ABLIM2: variants seen among roughly 807,000 people sequenced by gnomAD.
ABLIM2 encodes the protein actin binding LIM protein family member 2.
ABLIM2 carries 53 observed loss-of-function variants against 97.7 expected under a neutral mutation model. The ratio of observed to expected loss-of-function variants is 0.54; its 90% CI spans 0.44 to 0.68. The LOEUF (loss-of-function observed/expected upper bound fraction) is 0.68, where lower values mean the gene tolerates loss of function less well. Among genes scored for constraint, ABLIM2 ranks in the 30% least tolerant of loss-of-function variants. The pLI is 0.00. For missense variants in ABLIM2, 835 were observed against 867.2 expected (o/e 0.96, Z 0.47); for synonymous variants, 361 against 345.8 (o/e 1.04, Z -0.49).
rs1047900565 is a variant in ABLIM2 at position 8,112,204 on chromosome 4, G to T, written c.11-5567C>A. Reference sequence around the variant, plus strand: ...CACACAACCTTCACAACAAAGGGACGTGGCTCTCTCAGGAAATCCCCCTGC... The same window carrying T: ...CACACAACCTTCACAACAAAGGGACTTGGCTCTCTCAGGAAATCCCCCTGC... On this transcript the variant is annotated intron_variant, in intron 1 of 20. Transcript: ENST00000447017. The surrounding 1 kb of genome is among the most constrained non-coding windows in gnomAD (Gnocchi z 4.2). Among the ~76,000 whole-genome samples the T allele has an allele frequency of 6.6e-6, 1 of 152,170 alleles. No individual in the cohort carries two copies. Among genetic ancestry groups the T allele is most frequent in the Admixed American group, 6.5e-5 (1 of 15,272 alleles).
In ABLIM2 at chr4:8,130,948, G is replaced by A. The variant is rs1167060383; in HGVS notation, c.11-24311C>T. ...GGCTGAGCTCCCCCAAAGGCTCTAG[G>A]GGAGGCTGCCGTTACCTCGCCCTGC... On this transcript the variant is annotated intron_variant, in intron 1 of 20. Transcript: ENST00000447017. This position sits in a 1 kb window ranked among gnomAD's most constrained non-coding sequence, Gnocchi z 4.2. 2.6e-5 allele frequency among the ~76,000 whole-genome samples: 4 copies of A among 152,132 alleles called. No homozygotes were observed. The highest frequency in any genetic ancestry group is 5.9e-5 in the Non-Finnish European group (4 of 68,010).
At chr4:7,982,124 A>C (rs1739059793) in intron 20 of ABLIM2, among the ~76,000 whole-genome samples, 1 of 133,660 alleles carries the variant, frequency 7.5e-6, no homozygotes, top group African/African-American at 2.7e-5. Flanking sequence ...CCTCAGCTGC[A>C]TCCACGCCCC....
chr4:8,076,126 G>A (rs1382680055), intron 6 of ABLIM2, among the ~76,000 whole-genome samples: 2 of 152,204 alleles, frequency 1.3e-5, no homozygotes, highest in African/African-American at 2.4e-5. Flanking sequence ...GGGGCATCCA[G>A]CCCCCTGGAG....
At chr4:8,092,060 C>T (rs929936850) in intron 3 of ABLIM2, among the ~76,000 whole-genome samples, 1 of 148,526 alleles carries the variant, frequency 6.7e-6, no homozygotes, top group African/African-American at 2.5e-5. Context: ...TGCACTGGCA[C>T]AATGTTGGCT....
At chr4:8,105,275 C>T (rs915767557) in intron 2 of ABLIM2, among the ~76,000 whole-genome samples, 2 of 152,208 alleles carry the variant, frequency 1.3e-5, no homozygotes, top group African/African-American at 2.4e-5. Context: ...GGCATCCCCC[C>T]CTACACACAT....
intron 11 of ABLIM2, among the ~76,000 whole-genome samples, chr4:8,028,659 T>C (rs536062748): frequency 2.9e-4 from 44 of 152,304 alleles, no homozygotes; most frequent in African/African-American, 1.0e-3. Flanking sequence ...ACTGACCCAT[T>C]CACTTGTTCA....
At chr4:8,035,447 G>A (rs778700248) in intron 10 of ABLIM2, among the ~76,000 whole-genome samples, 4 of 152,162 alleles carry the variant, frequency 2.6e-5, no homozygotes, top group South Asian at 4.1e-4. Context: ...TCCCCACCCC[G>A]GGGAGCCCCC....
At position 8,120,010 on chromosome 4, in the gene ABLIM2, C is replaced by T. The variant is rs1208397914; in HGVS notation, c.11-13373G>A. On this transcript the variant is annotated intron_variant, in intron 1 of 20. Transcript: ENST00000447017. The surrounding 1 kb of genome is among the most constrained non-coding windows in gnomAD (Gnocchi z 5.6). Reference sequence around the variant, plus strand: ...GATTTCCCTATTTTGAGGCAGGGGTCCATGAGGACAAAGTCACTCTTGGCC... The same window carrying T: ...GATTTCCCTATTTTGAGGCAGGGGTTCATGAGGACAAAGTCACTCTTGGCC... 6.6e-6 allele frequency among the ~76,000 whole-genome samples: 1 copy of T among 152,204 alleles called. No homozygotes were observed. The highest frequency in any genetic ancestry group is 1.9e-4 in the East Asian group (1 of 5,182).
In ABLIM2 at chr4:8,068,423, A is replaced by C. The variant is rs568101156; in HGVS notation, c.676-7369T>G. Among the ~76,000 whole-genome samples the C allele has an allele frequency of 1.3e-5, 2 of 152,268 alleles. No homozygotes were observed. The highest frequency in any genetic ancestry group is 4.1e-4 in the South Asian group (2 of 4,822). On this transcript the variant is annotated intron_variant, in intron 6 of 20. Transcript: ENST00000447017. The surrounding 1 kb of genome is among the most constrained non-coding windows in gnomAD (Gnocchi z 4.5). ...GTGCTGGGTCAGAGGGCAGCGGTTT[A>C]AGGGACGTCCCCACTGTGACGTGCA...
rs1208220554 is a variant in ABLIM2 at position 8,149,491 on chromosome 4, C to A, written c.10+9189G>T. Among the ~76,000 whole-genome samples, 8 of 151,840 alleles carry A rather than the reference C, an allele frequency of 5.3e-5. No individual in the cohort carries two copies. The highest frequency in any genetic ancestry group is 1.7e-4 in the African/African-American group (7 of 41,326). On this transcript the variant is annotated intron_variant, in intron 1 of 20. Coordinates refer to ENST00000447017, the MANE Select transcript of ABLIM2 (RefSeq NM_001130083.2). This position sits in a 1 kb window ranked among gnomAD's most constrained non-coding sequence, Gnocchi z 6.4. Reference sequence around the variant, plus strand: ...CAGGAAACCCCAGCTTGGTCTGTGTCCACAGGTTCAGAGGAAGGAGGGAAG... The same window carrying A: ...CAGGAAACCCCAGCTTGGTCTGTGTACACAGGTTCAGAGGAAGGAGGGAAG...
Position 8,132,478 on chromosome 4 carries a change from C to T in ABLIM2, c.11-25841G>A, listed in dbSNP as rs145837109. On this transcript the variant is annotated intron_variant, in intron 1 of 20. Transcript: ENST00000447017. The surrounding 1 kb of genome is among the most constrained non-coding windows in gnomAD (Gnocchi z 8.0). ...AGACCATCCAGTCCCTGGAGAAGGACGCCCAGCCCTGGCCTTTCCTGAGCA... is the reference window on the plus strand; with the variant it reads ...AGACCATCCAGTCCCTGGAGAAGGATGCCCAGCCCTGGCCTTTCCTGAGCA... Among the ~76,000 whole-genome samples the T allele has an allele frequency of 2.0e-4, 31 of 152,276 alleles. No homozygotes were observed. The highest frequency in any genetic ancestry group is 9.7e-4 in the East Asian group (5 of 5,170).
intron 8 of ABLIM2, among the ~76,000 whole-genome samples, chr4:8,045,798 G>A (rs1033782415): frequency 1.3e-5 from 2 of 152,168 alleles, no homozygotes; most frequent in African/African-American, 4.8e-5. Flanking sequence ...CACAGGCCAA[G>A]CCATTCTGCA....
intron 20 of ABLIM2, among the ~76,000 whole-genome samples, chr4:7,980,938 C>CTTTTTTTT (rs1255215577): frequency 2.1e-4 from 8 of 38,522 alleles, no homozygotes; most frequent in Admixed American, 4.7e-4. Context: ...TCCACAACCC[C>CTTTTTTTT]TTATTTTTTT....
rs1162791872 is a variant in ABLIM2 at position 7,970,877 on chromosome 4, T to C, written c.1825-3774A>G. Reference sequence around the variant, plus strand: ...TGTGGGCTGGGCCAGGCCACTCGTATGTGGCCTACAGGGCCCAGGACTTGG... The same window carrying C: ...TGTGGGCTGGGCCAGGCCACTCGTACGTGGCCTACAGGGCCCAGGACTTGG... On this transcript the variant is annotated intron_variant, in intron 20 of 20. Transcript: ENST00000447017. The surrounding 1 kb of genome is among the most constrained non-coding windows in gnomAD (Gnocchi z 5.3). Among the ~76,000 whole-genome samples the C allele has an allele frequency of 6.6e-6, 1 of 151,918 alleles. No individual in the cohort carries two copies. Among genetic ancestry groups the C allele is most frequent in the Admixed American group, 6.6e-5 (1 of 15,246 alleles).
rs146252932 is a variant in ABLIM2, at chr4:8,044,955, C to T, written c.900+209G>A. 5.3e-5 allele frequency among the ~76,000 whole-genome samples: 8 copies of T among 152,270 alleles called. No homozygotes were observed. Among genetic ancestry groups the T allele is most frequent in the Non-Finnish European group, 1.0e-4 (7 of 68,022 alleles). ...TGGGGACAGGTTCCCAGGGGAATTG[C>T]CGGGTCAAACAAACATGTCTGTGTT... On this transcript the variant is annotated intron_variant, in intron 9 of 20. Transcript: ENST00000447017. The surrounding 1 kb of genome is among the most constrained non-coding windows in gnomAD (Gnocchi z 4.4).
intron 4 of ABLIM2, among the ~76,000 whole-genome samples, chr4:8,081,530 G>A (rs1294990804): frequency 6.6e-6 from 1 of 152,258 alleles, no homozygotes; most frequent in African/African-American, 2.4e-5. Context: ...TCCCCTGGCA[G>A]AGCGGGTGGA....
chr4:8,006,760 C>T (rs964402022), intron 16 of ABLIM2, among the ~76,000 whole-genome samples: 2 of 152,174 alleles, frequency 1.3e-5, no homozygotes, highest in Non-Finnish European at 2.9e-5. Context: ...CACAGGCAGG[C>T]GCGCGTGGAC....
At chr4:8,070,884 C>A (rs1811532239) in intron 6 of ABLIM2, among the ~76,000 whole-genome samples, 1 of 152,116 alleles carries the variant, frequency 6.6e-6, no homozygotes. Context: ...GGGGAGACGG[C>A]CCCTGCACAG....
rs540078056 is a variant in ABLIM2 at position 8,001,428 on chromosome 4, C to T, written c.1618+6631G>A. Among the ~76,000 whole-genome samples the T allele has an allele frequency of 8.5e-5, 13 of 152,260 alleles. No individual in the cohort carries two copies. The highest frequency in any genetic ancestry group is 1.4e-4 in the African/African-American group (6 of 41,562). ...GAAGGCTAGTCCCCAGGCAACCCAA[C>T]GGCAGCGGCTGCTCCCTGGGGCTCC... is the stretch of plus-strand genomic sequence containing the variant. On this transcript the variant is annotated intron_variant, in intron 16 of 20. Transcript: ENST00000447017. The surrounding 1 kb of genome is among the most constrained non-coding windows in gnomAD (Gnocchi z 4.2).
Sources: gnomAD v4.1 joint callset for allele counts (sites outside exome capture counted in the v4.1 genomes callset) on GRCh38, gnomAD v4.1.1 for gene constraint, Gnocchi (gnomAD v3.1) non-coding constraint, MANE v1.5 for transcripts, NCBI Gene and HGNC (gene_info 2026-07-23, HGNC 2026-07-21) for gene names.